DACH1: variants seen among roughly 807,000 people sequenced by gnomAD.
DACH1 encodes dachshund homolog 1.
A neutral mutation model predicts 54.2 loss-of-function variants in DACH1; 12 were observed. The ratio of observed to expected loss-of-function variants is 0.22; its 90% CI spans 0.14 to 0.36. The LOEUF is 0.36. Ranked by LOEUF, DACH1 falls within the 10% of genes least tolerant of loss-of-function variation. DACH1 has a pLI of 1.00. For synonymous variants in DACH1, 386 were observed against 366.2 expected (o/e 1.05, Z -0.62); for missense variants, 805 against 929.8 (o/e 0.87, Z 1.75).
chr13:71,743,998 T>C (rs1463859466), intron 1 of DACH1, among the ~76,000 whole-genome samples: 1 of 152,148 alleles, frequency 6.6e-6, no homozygotes, highest in Non-Finnish European at 1.5e-5. Context: ...TTGGTTCTCA[T>C]GCCCAAACCT....
At chr13:71,842,288 A>T (rs1017110671) in intron 1 of DACH1, among the ~76,000 whole-genome samples, 2 of 152,084 alleles carry the variant, frequency 1.3e-5, no homozygotes, top group African/African-American at 4.8e-5. Flanking sequence ...TATAGTGCAA[A>T]TTTTATGGTC....
intron 3 of DACH1, among the ~76,000 whole-genome samples, chr13:71,608,387 T>C (rs1162804295): frequency 6.6e-6 from 1 of 152,028 alleles, no homozygotes; most frequent in Admixed American, 6.6e-5. Context: ...TGTTGGTTTG[T>C]TAAGAACATA....
chr13:71,701,495 A>G (rs970566456), intron 1 of DACH1, among the ~76,000 whole-genome samples: 1 of 152,186 alleles, frequency 6.6e-6, no homozygotes, highest in Non-Finnish European at 1.5e-5. Context: ...GTTCAGATAT[A>G]TAAGTGAAAA....
At chr13:71,516,621 G>A (rs1453378781) in intron 6 of DACH1, among the ~76,000 whole-genome samples, 1 of 151,818 alleles carries the variant, frequency 6.6e-6, no homozygotes, top group African/African-American at 2.4e-5. Context: ...TTCATCCTCT[G>A]TTCCTTCTTT....
At chr13:71,479,139 T>C in intron 8 of DACH1, 30 bp downstream of exon 8, 1 of 1,575,292 alleles carries the variant, frequency 6.3e-7, no homozygotes, top group Non-Finnish European at 8.6e-7. Context: ...TTTCTGTAAA[T>C]ATTTAACTTA....
intron 7 of DACH1, among the ~76,000 whole-genome samples, chr13:71,485,129 T>A (rs770545987): frequency 3.3e-5 from 5 of 151,920 alleles, no homozygotes; most frequent in Non-Finnish European, 7.4e-5. Context: ...TAGCTCATGT[T>A]TGACGGTGTC....
At chr13:71,601,980 T>G (rs925485041) in intron 3 of DACH1, among the ~76,000 whole-genome samples, 1 of 151,970 alleles carries the variant, frequency 6.6e-6, no homozygotes, top group South Asian at 2.1e-4. Context: ...AGTTACAAAT[T>G]TAATAAACAT....
chr13:71,591,707 T>C (rs1873724743), intron 3 of DACH1, among the ~76,000 whole-genome samples: 1 of 152,170 alleles, frequency 6.6e-6, no homozygotes, highest in Non-Finnish European at 1.5e-5. Context: ...GGAAGTATTT[T>C]GGGAACCCTC....
intron 2 of DACH1, among the ~76,000 whole-genome samples, chr13:71,647,601 C>A (rs1878379576): frequency 6.6e-6 from 1 of 152,078 alleles, no homozygotes; most frequent in Non-Finnish European, 1.5e-5. Context: ...CATGCCCAAC[C>A]AATCATAGGC....
intron 6 of DACH1, among the ~76,000 whole-genome samples, chr13:71,494,706 T>G (rs550455568): frequency 2.6e-5 from 4 of 152,190 alleles, no homozygotes; most frequent in Admixed American, 1.3e-4. Context: ...CCAGAAAAAC[T>G]ACTTATTAAC....
intron 3 of DACH1, among the ~76,000 whole-genome samples, chr13:71,591,568 C>T (rs2138462510): frequency 6.6e-6 from 1 of 152,282 alleles, no homozygotes; most frequent in South Asian, 2.1e-4. Context: ...TGCATTCACC[C>T]TGTTGTGATG....
At chr13:71,678,509 C>G (rs1880702195) in intron 2 of DACH1, among the ~76,000 whole-genome samples, 2 of 152,166 alleles carry the variant, frequency 1.3e-5, no homozygotes, top group Non-Finnish European at 2.9e-5. Context: ...TGAAAGTAAG[C>G]AAAATAGTAG....
intron 6 of DACH1, among the ~76,000 whole-genome samples, chr13:71,539,416 GA>G (rs1241772608): frequency 7.2e-5 from 11 of 152,012 alleles, no homozygotes; most frequent in African/African-American, 2.7e-4. Flanking sequence ...AGACTTTCTA[GA>G]AACCTGTCAG....
chr13:71,865,844 G>T (rs1490469021), intron 1 of DACH1, 78 bp downstream of exon 1: 4 of 1,366,916 alleles, frequency 2.9e-6, no homozygotes, highest in Non-Finnish European at 3.8e-6. Flanking sequence ...AGCGAGCGGC[G>T]CCGGGAAAGG....
chr13:71,469,793 T>C (rs950485936), intron 10 of DACH1, among the ~76,000 whole-genome samples: 2 of 152,332 alleles, frequency 1.3e-5, no homozygotes, highest in East Asian at 3.8e-4. Context: ...AAAGAAGATA[T>C]TTTTACATTA....
chr13:71,654,458 GTAAAATAAAATAAAATAAAATAAAA>G (rs58963611), intron 2 of DACH1, among the ~76,000 whole-genome samples: 54 of 71,280 alleles, frequency 7.6e-4, no homozygotes, highest in African/African-American at 1.8e-3. Flanking sequence ...ATAAAATAAA[GTAAAATAAAATAAAATAAAATAAAA>G]TAAAATAAAA....
chr13:71,843,277 T>C (rs1245462669), intron 1 of DACH1, among the ~76,000 whole-genome samples: 2 of 152,102 alleles, frequency 1.3e-5, no homozygotes, highest in South Asian at 2.1e-4. Context: ...TATGTATTTA[T>C]TCATTTGAGA....
At chr13:71,612,419 G>A (rs1399150586) in intron 3 of DACH1, among the ~76,000 whole-genome samples, 2 of 152,086 alleles carry the variant, frequency 1.3e-5, no homozygotes, top group East Asian at 3.9e-4. Context: ...CAACAAGATG[G>A]ATGCTGGCAA....
intron 2 of DACH1, among the ~76,000 whole-genome samples, chr13:71,649,364 T>C (rs926850705): frequency 2.6e-5 from 4 of 152,206 alleles, no homozygotes; most frequent in Admixed American, 2.6e-4. Flanking sequence ...ATGGATGAAC[T>C]CTGTACCACA....
Sources: gnomAD v4.1 joint callset for allele counts (sites outside exome capture counted in the v4.1 genomes callset) on GRCh38, gnomAD v4.1.1 for gene constraint, MANE v1.5 for transcripts, NCBI Gene and HGNC (gene_info 2026-07-23, HGNC 2026-07-21) for gene names.